Variants in IMPG1 observed in about 807,000 individuals in gnomAD.
The protein encoded by IMPG1 is interphotoreceptor matrix proteoglycan of 150 kDa.
In IMPG1, 85 loss-of-function variants were observed where a neutral mutation model predicts 92.0. That is an observed-to-expected ratio of 0.92 (90% CI 0.78 to 1.11). IMPG1 has a LOEUF of 1.11. IMPG1 is among the 50% of genes least tolerant of loss of function. The pLI is 0.00. For synonymous variants in IMPG1, 367 were observed against 334.1 expected, an observed-to-expected ratio of 1.10 and a Z score of -1.08; for missense variants, 1,022 against 956.0, an observed-to-expected ratio of 1.07 and a Z score of -0.91.
In IMPG1 at chr6:76,037,960, A is replaced by G. The variant is rs1582122333; in HGVS notation, c.302-3173T>C. 2.0e-5 allele frequency among the ~76,000 whole-genome samples: 3 copies of G among 152,322 alleles called. No individual in the cohort carries two copies. In the South Asian group the frequency reaches 6.2e-4, roughly 32 times the overall value. On this transcript the variant is annotated intron_variant, in intron 2 of 16. Coordinates refer to ENST00000369950, the MANE Select transcript of IMPG1 (RefSeq NM_001563.4). The stretch of plus-strand genomic sequence containing the variant: ...ACTTGCTTTTATTTCATTCCAATTT[A>G]AGTCTTGAACTAATTGTGTTCTTCG...
At chr6:75,959,873 C>G (rs894671543) in intron 12 of IMPG1, among the ~76,000 whole-genome samples, 2 of 152,144 alleles carry the variant, frequency 1.3e-5, no homozygotes, top group African/African-American at 4.8e-5. Context: ...GGGGAGTGAA[C>G]AGTTCCCTCT....
At chr6:76,061,205 A>G (rs1043981786) in intron 1 of IMPG1, among the ~76,000 whole-genome samples, 3 of 152,206 alleles carry the variant, frequency 2.0e-5, no homozygotes, top group African/African-American at 7.2e-5. Flanking sequence ...AAGCAAATAT[A>G]TAATCTAATA....
chr6:75,938,901 ACTT>A (rs1781793407), intron 14 of IMPG1, among the ~76,000 whole-genome samples: 1 of 152,148 alleles, frequency 6.6e-6, no homozygotes, highest in Admixed American at 6.5e-5. Flanking sequence ...GCTTCACTAA[ACTT>A]TTTTTTTCCC....
chr6:75,962,217 T>G (rs1055125562), intron 12 of IMPG1, among the ~76,000 whole-genome samples: 1 of 152,100 alleles, frequency 6.6e-6, no homozygotes, highest in Non-Finnish European at 1.5e-5. Context: ...ACTCCCTGTC[T>G]CAAGCACTCC....
At chr6:75,994,141 C>A (rs1248354697) in intron 12 of IMPG1, among the ~76,000 whole-genome samples, 1 of 152,038 alleles carries the variant, frequency 6.6e-6, no homozygotes, top group Admixed American at 6.6e-5. Flanking sequence ...ATGCTAAATC[C>A]AAAGTGAAAA....
Position 76,002,937 on chromosome 6 carries a change from T to A in IMPG1, c.1272A>T (p.Gly424=). ...PVEPQLETVD[G]AEHGLPDTSW... ...ACTTACCAGGTAGACCATGCTCTGC[T>A]CCGTCCACTGTCTCAAGCTGGGGTT... The change falls in exon 12 of 17, where the codon GGA becomes GGT. Residue 424 remains glycine, a synonymous_variant. Coordinates refer to ENST00000369950, the MANE Select transcript of IMPG1 (RefSeq NM_001563.4). The A allele has an allele frequency of 6.2e-7, 1 of 1,613,430 alleles. No individual in the cohort carries two copies. The highest frequency in any genetic ancestry group is 8.5e-7 in the Non-Finnish European group (1 of 1,179,448).
At chr6:76,032,531 A>G (rs1783669295) in intron 4 of IMPG1, among the ~76,000 whole-genome samples, 1 of 152,178 alleles carries the variant, frequency 6.6e-6, no homozygotes, top group Admixed American at 6.5e-5. Context: ...TCTGTATAGT[A>G]GGTGGGAAAG....
chr6:76,031,239 G>A (rs1224420261), intron 4 of IMPG1, among the ~76,000 whole-genome samples: 1 of 152,176 alleles, frequency 6.6e-6, no homozygotes, highest in East Asian at 1.9e-4. Context: ...GTCTGTGTTA[G>A]TATAATATAG....
rs73468807 is a variant in IMPG1 at position 76,034,831 on chromosome 6, C to T, written c.302-44G>A. The T allele has an allele frequency of 9.6e-3, 14,665 of 1,531,564 alleles. 563 individuals carry two copies. Among genetic ancestry groups the T allele is most frequent in the African/African-American group, 0.093 (6,764 of 72,942 alleles). The allele number at this position is 1,531,564 out of a possible 1,614,324, so 94.9% of individuals were successfully genotyped here. On this transcript the variant is annotated intron_variant, in intron 2 of 16. Transcript: ENST00000369950. Reference sequence around the variant, plus strand: ...AATGGCCATGCCCTAAGAGGGTCCCCGTACCCAATCCCAAGCAAAGTCTAA... The same window carrying T: ...AATGGCCATGCCCTAAGAGGGTCCCTGTACCCAATCCCAAGCAAAGTCTAA...
At chr6:76,057,992 A>T (rs200179154) in intron 1 of IMPG1, among the ~76,000 whole-genome samples, 1 of 67,100 alleles carries the variant, frequency 1.5e-5, no homozygotes, top group African/African-American at 3.7e-5. Context: ...AATAAAATAA[A>T]ATAATAAAAT....
intron 5 of IMPG1, among the ~76,000 whole-genome samples, chr6:76,022,812 A>T (rs1220730231): frequency 6.6e-6 from 1 of 152,222 alleles, no homozygotes; most frequent in Non-Finnish European, 1.5e-5. Context: ...TTATAATACA[A>T]ATGCATTTCT....
intron 12 of IMPG1, among the ~76,000 whole-genome samples, chr6:75,993,858 G>T (rs868626791): frequency 1.3e-5 from 2 of 152,210 alleles, no homozygotes; most frequent in Non-Finnish European, 2.9e-5. Context: ...ACTGAGGGAT[G>T]ATCAGAGAAT....
At chr6:76,018,658 A>T (rs1449528346) in intron 7 of IMPG1, 60 bp downstream of exon 7, 2 of 1,511,764 alleles carry the variant, frequency 1.3e-6, no homozygotes, top group Non-Finnish European at 1.8e-6. Flanking sequence ...TTTATGTCCT[A>T]TCGGCTCCCA....
At chr6:76,038,084 T>C (rs1335192800) in intron 2 of IMPG1, among the ~76,000 whole-genome samples, 2 of 152,226 alleles carry the variant, frequency 1.3e-5, no homozygotes, top group East Asian at 3.9e-4. Flanking sequence ...CTGGGTGCTA[T>C]GTAGCCTGAG....
In IMPG1 at chr6:76,042,122, G is replaced by T. The variant is rs1170246403; in HGVS notation, c.72C>A (p.Ile24=). 3 of 1,474,760 alleles carry T rather than the reference G, an allele frequency of 2.0e-6. No individual in the cohort carries two copies. The highest frequency in any genetic ancestry group is 2.8e-6 in the Non-Finnish European group (3 of 1,053,638). The allele number at this position is 1,474,760 out of a possible 1,614,324, so 91.4% of individuals were successfully genotyped here. ...TTTCAGAATGGTATATGTTAATGGA[G>T]ATATCTGTAAAAGAAAGATTGATAT... ...IFLQVQGTKD[I]SINIYHSETK... The change falls in exon 2 of 17, where the codon ATC becomes ATA. Residue 24 remains isoleucine, a synonymous_variant. Transcript: ENST00000369950.
chr6:76,060,312 A>G (rs1187067163), intron 1 of IMPG1, among the ~76,000 whole-genome samples: 1 of 152,198 alleles, frequency 6.6e-6, no homozygotes, highest in African/African-American at 2.4e-5. Context: ...TAGCTCTTTC[A>G]TATTCTTCTT....
At chr6:75,927,715 TTCCCTCCC>T (rs528610174) in intron 15 of IMPG1, among the ~76,000 whole-genome samples, 12 of 150,666 alleles carry the variant, frequency 8.0e-5, no homozygotes, top group South Asian at 2.1e-4. Flanking sequence ...TTAAGCATCT[TTCCCTCCC>T]TCCCTCCCTC....
chr6:76,031,761 G>A (rs1449212502), intron 4 of IMPG1, among the ~76,000 whole-genome samples: 1 of 152,096 alleles, frequency 6.6e-6, no homozygotes, highest in Admixed American at 6.5e-5. Flanking sequence ...CTGTCTTGCT[G>A]TAAAAAAAAG....
At chr6:75,994,496 G>T (rs1221657372) in intron 12 of IMPG1, among the ~76,000 whole-genome samples, 6 of 152,208 alleles carry the variant, frequency 3.9e-5, no homozygotes, top group Non-Finnish European at 7.3e-5. Flanking sequence ...ATCTGAGGCT[G>T]GGTAATTTAT....
Sources: gnomAD v4.1 joint callset for allele counts (sites outside exome capture counted in the v4.1 genomes callset) on GRCh38, gnomAD v4.1.1 for gene constraint, MANE v1.5 for transcripts, NCBI Gene and HGNC (gene_info 2026-07-23, HGNC 2026-07-21) for gene names.